Variants in NAALADL2 observed in about 807,000 individuals in gnomAD.
NAALADL2 encodes the protein inactive N-acetylated-alpha-linked acidic dipeptidase-like protein 2.
In NAALADL2, 76 loss-of-function variants were observed where a neutral mutation model predicts 87.2. The ratio of observed to expected loss-of-function variants is 0.87; its 90% confidence interval spans 0.72 to 1.05. The LOEUF is 1.05. NAALADL2 is among the 50% of genes least tolerant of loss of function. The probability of loss-of-function intolerance (pLI) is 0.00; values close to 1 mark genes in which losing one functional copy is unlikely to be tolerated. For missense variants in NAALADL2, 1,089 were observed against 945.8 expected, an observed-to-expected ratio of 1.15 and a Z score of -1.99; for synonymous variants, 354 against 331.0, an observed-to-expected ratio of 1.07 and a Z score of -0.75.
chr3:174,628,646 G>T (rs1359209601), intron 2 of NAALADL2, among the ~76,000 whole-genome samples: 1 of 152,084 alleles, frequency 6.6e-6, no homozygotes, highest in African/African-American at 2.4e-5. Context: ...AAGAAAGAAA[G>T]GTTCATGCTG....
intron 3 of NAALADL2, among the ~76,000 whole-genome samples, chr3:174,844,162 T>C (rs1452028213): frequency 6.6e-6 from 1 of 152,176 alleles, no homozygotes; most frequent in Non-Finnish European, 1.5e-5. Context: ...CTTACATGTA[T>C]GTATGTAAAC....
At chr3:174,795,822 C>T (rs1326965759) in intron 3 of NAALADL2, among the ~76,000 whole-genome samples, 1 of 152,154 alleles carries the variant, frequency 6.6e-6, no homozygotes, top group East Asian at 1.9e-4. Context: ...TGGTCATTTG[C>T]ATATCTTCTG....
rs574507677 is a variant in NAALADL2, at chr3:174,765,495, T to C, written c.-9+27749T>C. ...TTTATGTTAGGTGGGCAGTTTCCTG[T>C]AGTTTTCCAGTTTTCAAAAACTTGC... On this transcript the variant is annotated intron_variant, in intron 3 of 3. Coordinates refer to the NAALADL2 transcript ENST00000434257. Among the ~76,000 whole-genome samples the C allele has an allele frequency of 1.1e-4, 16 of 152,306 alleles. No homozygotes were observed. In the South Asian group the frequency reaches 3.3e-3, roughly 32 times the overall value.
rs138261664 is a variant in NAALADL2 at position 174,552,215 on chromosome 3, C to T, written c.-115+1578C>T. On this transcript the variant is annotated intron_variant, in intron 2 of 3. Coordinates refer to the NAALADL2 transcript ENST00000434257. The stretch of plus-strand genomic sequence containing the variant: ...TCAAATATAACGTATATAATCTTTC[C>T]GAAAGCTCAGAGAAGGATCTTATTA... Among the ~76,000 whole-genome samples, 252 of 152,080 alleles carry T rather than the reference C, an allele frequency of 1.7e-3. 2 individuals are homozygous for T. In the Middle Eastern group the frequency reaches 0.017, roughly 10 times the overall value.
intron 1 of NAALADL2, among the ~76,000 whole-genome samples, chr3:174,929,867 G>A (rs1736617467): frequency 2.0e-5 from 3 of 152,074 alleles, no homozygotes; most frequent in Admixed American, 2.0e-4. Flanking sequence ...AGCCTTTCCT[G>A]TAAAATAGTA....
chr3:174,718,331 G>A (rs898038848), intron 2 of NAALADL2, among the ~76,000 whole-genome samples: 1 of 152,136 alleles, frequency 6.6e-6, no homozygotes, highest in Non-Finnish European at 1.5e-5. Context: ...CATTCTGCAA[G>A]TAAAGTATTT....
chr3:174,600,454 T>C (rs1718330692), intron 2 of NAALADL2, among the ~76,000 whole-genome samples: 1 of 152,186 alleles, frequency 6.6e-6, no homozygotes. Flanking sequence ...TATATATTGA[T>C]TCTCGAATTC....
intron 9 of NAALADL2, among the ~76,000 whole-genome samples, chr3:175,482,321 G>A (rs1479980361): frequency 1.3e-5 from 2 of 151,890 alleles, no homozygotes; most frequent in Non-Finnish European, 2.9e-5. Context: ...ATGACCAAGT[G>A]TATCTCAAAA....
intron 5 of NAALADL2, among the ~76,000 whole-genome samples, chr3:175,389,315 C>T (rs1266597854): frequency 1.3e-5 from 2 of 152,112 alleles, no homozygotes; most frequent in African/African-American, 2.4e-5. Context: ...AACGACGCCA[C>T]CTGGCAGAAT....
intron 2 of NAALADL2, among the ~76,000 whole-genome samples, chr3:175,222,010 G>A (rs1743452973): frequency 1.3e-5 from 2 of 151,962 alleles, no homozygotes; most frequent in Admixed American, 1.3e-4. Context: ...TCGAACTCCC[G>A]AGCTCAGGGA....
intron 2 of NAALADL2, among the ~76,000 whole-genome samples, chr3:175,119,462 C>T (rs1223827833): frequency 6.7e-6 from 1 of 150,236 alleles, no homozygotes; most frequent in Non-Finnish European, 1.5e-5. Context: ...CATGGCAGGA[C>T]TATAGGATGT....
intron 11 of NAALADL2, among the ~76,000 whole-genome samples, chr3:175,698,473 G>GTA (rs1171627142): frequency 1.2e-5 from 1 of 82,050 alleles, no homozygotes; most frequent in Non-Finnish European, 2.2e-5. Flanking sequence ...ATATATGTGT[G>GTA]TATATATATT....
chr3:174,673,985 G>A (rs1320826870), intron 2 of NAALADL2, among the ~76,000 whole-genome samples: 2 of 151,926 alleles, frequency 1.3e-5, no homozygotes, highest in African/African-American at 2.4e-5. Context: ...TTCTTACATT[G>A]CTATAAATAT....
chr3:175,023,051 G>A (rs1242957179), intron 1 of NAALADL2, among the ~76,000 whole-genome samples: 1 of 151,966 alleles, frequency 6.6e-6, no homozygotes, highest in Non-Finnish European at 1.5e-5. Context: ...GAAGATAGTT[G>A]TACTGAAGTC....
intron 6 of NAALADL2, 64 bp from the exon 7 acceptor site, chr3:175,463,337 T>G (rs754178583): frequency 1.7e-5 from 18 of 1,038,644 alleles, no homozygotes; most frequent in Non-Finnish European, 2.2e-5. Flanking sequence ...AAAATAAATT[T>G]TAAGGTTTAA....
chr3:175,314,827 A>T (rs1758932774), intron 4 of NAALADL2, among the ~76,000 whole-genome samples: 2 of 149,358 alleles, frequency 1.3e-5, no homozygotes, highest in East Asian at 2.0e-4. Context: ...TACCATATAC[A>T]GTATGTTTTT....
rs572177448 is a variant in NAALADL2 at position 174,740,246 on chromosome 3, G to A, written c.-9+2500G>A. Reference sequence around the variant, plus strand: ...CACTGAACCCATTGTTGAGCTCACTGATTCCCAACATGAAAATAAATTAAC... The same window carrying A: ...CACTGAACCCATTGTTGAGCTCACTAATTCCCAACATGAAAATAAATTAAC... On this transcript the variant is annotated intron_variant, in intron 3 of 3. Transcript: ENST00000434257. Among the ~76,000 whole-genome samples, 313 of 152,030 alleles carry A rather than the reference G, an allele frequency of 2.1e-3. 1 individual carries two copies. Among genetic ancestry groups the A allele is most frequent in the African/African-American group, 7.3e-3 (303 of 41,538 alleles).
intron 2 of NAALADL2, among the ~76,000 whole-genome samples, chr3:174,652,667 G>A (rs1196282959): frequency 6.6e-6 from 1 of 152,036 alleles, no homozygotes; most frequent in African/African-American, 2.4e-5. Context: ...GGGGATTATG[G>A]GAGCTATAGT....
intron 1 of NAALADL2, among the ~76,000 whole-genome samples, chr3:174,899,131 C>G (rs557017328): frequency 6.6e-6 from 1 of 152,192 alleles, no homozygotes; most frequent in Non-Finnish European, 1.5e-5. Flanking sequence ...ATTAAAACTA[C>G]AAAGACATTA....
Sources: gnomAD v4.1 joint callset for allele counts (sites outside exome capture counted in the v4.1 genomes callset) on GRCh38, gnomAD v4.1.1 for gene constraint, MANE v1.5 for transcripts, NCBI Gene and HGNC (gene_info 2026-07-23, HGNC 2026-07-21) for gene names.